The following ALG12 variants were observed in gnomAD, a reference collection of about 807,000 sequenced individuals.
ALG12 encodes ALG12 alpha-1,6-mannosyltransferase.
Under a neutral mutation model 46.0 loss-of-function variants are expected in ALG12, and 36 were observed. That is an observed-to-expected ratio of 0.78 (90% CI 0.60 to 1.03). The LOEUF (loss-of-function observed/expected upper bound fraction) is 1.03. ALG12 is among the 50% of genes least tolerant of loss of function. The pLI is 0.00. For synonymous variants in ALG12, 326 were observed against 291.6 expected (o/e 1.12, Z -1.20); for missense variants, 599 against 633.5 (o/e 0.95, Z 0.58).
rs748910693 is a variant in ALG12 at position 49,907,773 on chromosome 22, T to C, written c.940A>G (p.Ile314Val). Residue 314 changes from isoleucine to valine, a missense_variant, in exon 7 of 10, where the codon ATC (isoleucine) becomes GTC (valine). By Grantham distance (29) the Ile-to-Val change is conservative. Transcript: ENST00000330817. ...ATGTTGAGCATGGGGAAGGCATAGA[T>C]GATGAAGCGTAGCTCCTTGTGTGGC... Reference protein sequence around the residue: ...LLPHKELRFIIYAFPMLNITA... With the variant: ...LLPHKELRFIVYAFPMLNITA... The C allele has an allele frequency of 1.9e-6, 3 of 1,614,040 alleles. No individual in the cohort carries two copies. Among genetic ancestry groups the C allele is most frequent in the Non-Finnish European group, 1.7e-6 (2 of 1,179,996 alleles).
At chr22:49,875,775 C>T in the ALG12 span, among the ~76,000 whole-genome samples, 1 of 152,058 alleles carries the variant, frequency 6.6e-6, no homozygotes, top group Non-Finnish European at 1.5e-5. Context: ...TTATATGTTT[C>T]CTTACTATCC....
the ALG12 span, among the ~76,000 whole-genome samples, chr22:49,863,367 G>T: frequency 6.6e-6 from 1 of 152,272 alleles, no homozygotes; most frequent in Non-Finnish European, 1.5e-5. Flanking sequence ...GGTGGCTCAC[G>T]CCTGTAATCC....
rs982221959 is a variant in ALG12 at position 49,907,617 on chromosome 22, C to T, written c.992+104G>A. The T allele has an allele frequency of 1.5e-4, 202 of 1,303,340 alleles. 2 individuals carry two copies. The South Asian group carries it at 2.5e-3, about 16-fold the overall frequency. The allele number at this position is 1,303,340 out of a possible 1,614,324, so 80.7% of individuals were successfully genotyped here. A position where few individuals can be genotyped will look rare whatever the true frequency, so the allele number is the denominator to read the frequency against. ...CTCCAGCTGGGCGACAGAGCAAGAC[C>T]CTGTTTCAAAAATTAAACACACACA... On this transcript the variant is annotated intron_variant, in intron 7 of 9. Transcript: ENST00000330817.
intron 3 of ALG12, among the ~76,000 whole-genome samples, chr22:49,911,579 C>T (rs748176197): frequency 3.3e-4 from 51 of 152,252 alleles, no homozygotes; most frequent in South Asian, 8.3e-4. Flanking sequence ...GGATTATAGG[C>T]GCATGCCAAC....
At position 49,913,413 on chromosome 22, in the gene ALG12, T is replaced by C; in HGVS notation, c.267A>G (p.Glu89=). The change falls in exon 3 of 10, where the codon GAA becomes GAG. Residue 89 remains glutamate (E), a synonymous_variant. Coordinates refer to ENST00000330817, the MANE Select transcript of ALG12 (RefSeq NM_024105.4). The part of the protein sequence containing the change: ...SPAVYVLSLL[E]MSKFYSQLIV... ...TTAGCTGAGAGTAAAACTTGGACATTTCTAACAGCGAAAGCACGTAAACCG... is the reference window on the plus strand; with the variant it reads ...TTAGCTGAGAGTAAAACTTGGACATCTCTAACAGCGAAAGCACGTAAACCG... The C allele has an allele frequency of 3.1e-6, 5 of 1,613,980 alleles. No individual in the cohort carries two copies. Among genetic ancestry groups the C allele is most frequent in the Non-Finnish European group, 4.2e-6 (5 of 1,180,036 alleles).
the ALG12 span, chr22:49,887,106 G>A: frequency 6.2e-6 from 10 of 1,613,782 alleles, no homozygotes; most frequent in African/African-American, 1.3e-4. Context: ...GCCAATCCAG[G>A]CTCATGATGG....
intron 1 of ALG12, among the ~76,000 whole-genome samples, chr22:49,916,722 G>C (rs1415029858): frequency 6.6e-6 from 1 of 152,210 alleles, no homozygotes; most frequent in Non-Finnish European, 1.5e-5. Context: ...AAGCTGACAT[G>C]GGGGGTACTG....
the ALG12 span, chr22:49,883,562 AT>A: frequency 7.1e-7 from 1 of 1,414,188 alleles, no homozygotes; most frequent in African/African-American, 1.5e-5. Context: ...AGATGGAATT[AT>A]GACGAAAAAG....
chr22:49,886,293 C>T, the ALG12 span: 1,628 of 1,487,732 alleles, frequency 1.1e-3, 15 homozygotes, highest in African/African-American at 0.02. The surrounding 1 kb of genome is among the most constrained non-coding windows in gnomAD (Gnocchi z 7.7). Context: ...AGAGGGAGTA[C>T]GCGCTGCCTC....
At chr22:49,884,261 G>C in the ALG12 span, 21 of 1,609,850 alleles carry the variant, frequency 1.3e-5, no homozygotes, top group Non-Finnish European at 1.8e-5. Context: ...GGTGACCTCA[G>C]CACCATCCTC....
In ALG12 at chr22:49,913,633, G is replaced by A; in HGVS notation, c.133C>T (p.Leu45=). 1.2e-6 allele frequency: 2 copies of A among 1,614,162 alleles called. No homozygotes were observed. Among genetic ancestry groups the A allele is most frequent in the African/African-American group, 1.3e-5 (1 of 75,068 alleles). ...ESFNLQATHD[L]LYHWQDLEQY... The stretch of plus-strand genomic sequence containing the variant: ...TCCAGGTCTTGCCAGTGGTAGAGCA[G>A]GTCATGTGTGGCCTGCAGGTTGAAG... Residue 45 remains leucine, a synonymous_variant, in exon 2 of 10, where the codon CTG becomes TTG. Coordinates refer to ENST00000330817, the MANE Select transcript of ALG12 (RefSeq NM_024105.4).
the ALG12 span, chr22:49,883,668 G>A: frequency 6.3e-6 from 10 of 1,576,654 alleles, 1 homozygote; most frequent in Admixed American, 1.2e-4. Context: ...CAGTCATGGA[G>A]AATAACTTGA....
At chr22:49,870,059 A>C in the ALG12 span, among the ~76,000 whole-genome samples, 1 of 152,166 alleles carries the variant, frequency 6.6e-6, no homozygotes, top group African/African-American at 2.4e-5. Context: ...TCCCACTGAT[A>C]GGTGAGAACA....
At chr22:49,892,045 G>A in the ALG12 span, among the ~76,000 whole-genome samples, 8 of 152,144 alleles carry the variant, frequency 5.3e-5, no homozygotes, top group South Asian at 4.2e-4. Flanking sequence ...AAAATTAGCT[G>A]GGTGTGGTGG....
chr22:49,888,132 A>G, the ALG12 span: 1 of 167,176 alleles, frequency 6.0e-6, no homozygotes, highest in Admixed American at 6.5e-5. Context: ...TAGTGTTTAG[A>G]TTTTTTTATG....
chr22:49,907,992 G>C (rs376762909), intron 6 of ALG12, 48 bp from the exon 7 acceptor site: 2 of 1,578,460 alleles, frequency 1.3e-6, no homozygotes, highest in Admixed American at 1.7e-5. Flanking sequence ...GCATGAGCCC[G>C]TGGGCTAGGT....
At chr22:49,885,242 C>G in the ALG12 span, 1 of 1,607,150 alleles carries the variant, frequency 6.2e-7, no homozygotes. Flanking sequence ...CCGTATGCCA[C>G]TTTGGCCTCT....
chr22:49,918,348 C>T lies in ALG12; in HGVS notation c.-164G>A, dbSNP rs942776258. 6.5e-6 allele frequency: 1 copy of T among 154,108 alleles called. No homozygotes were observed. Among genetic ancestry groups the T allele is most frequent in the African/African-American group, 2.4e-5 (1 of 41,548 alleles). 9.5% of individuals were successfully genotyped at this position (154,108 alleles called of 1,614,324 possible). On this transcript the variant is annotated 5_prime_UTR_variant, in exon 1 of 10. Transcript: ENST00000330817. ...GCAGGACGGCGGAAACAGAACAGAG[C>T]CCGAATCTAAAGTCCTTGCCCAAAT...
chr22:49,909,482 C>A (rs2060563069), intron 5 of ALG12, 135 bp from the exon 6 acceptor site: 4 of 911,262 alleles, frequency 4.4e-6, no homozygotes, highest in South Asian at 4.2e-5. Flanking sequence ...GGGAAGATTG[C>A]TGGAGCCTAG....
Sources: allele counts gnomAD v4.1 joint callset (sites outside exome capture counted in the v4.1 genomes callset), GRCh38; gene constraint gnomAD v4.1.1; non-coding constraint Gnocchi (gnomAD v3.1); transcripts MANE v1.5; gene names NCBI Gene and HGNC (gene_info 2026-07-23, HGNC 2026-07-21).